The following CNTNAP2 variants were observed in gnomAD, a reference collection of about 807,000 sequenced individuals.
The protein encoded by CNTNAP2 is contactin-associated protein-like 2.
Under a neutral mutation model 155.2 loss-of-function variants are expected in CNTNAP2, and 98 were observed. The ratio of observed to expected loss-of-function variants is 0.63; its 90% CI spans 0.54 to 0.75. The LOEUF (loss-of-function observed/expected upper bound fraction) is 0.75, where lower values mean the gene tolerates loss of function less well. CNTNAP2 is among the 30% of genes least tolerant of loss of function. CNTNAP2 has a pLI of 0.00. For synonymous variants in CNTNAP2, 651 were observed against 631.2 expected, an observed-to-expected ratio of 1.03 and a Z score of -0.47; for missense variants, 1,727 against 1,688.1, an observed-to-expected ratio of 1.02 and a Z score of -0.40.
intron 8 of CNTNAP2, among the ~76,000 whole-genome samples, chr7:147,152,623 A>T (rs1016897362): frequency 6.6e-6 from 1 of 152,126 alleles, no homozygotes; most frequent in Non-Finnish European, 1.5e-5. Flanking sequence ...TTTACAGTAT[A>T]GTTGAGGAGA....
At chr7:146,815,664 GATTT>G (rs1803152389) in intron 2 of CNTNAP2, among the ~76,000 whole-genome samples, 1 of 152,084 alleles carries the variant, frequency 6.6e-6, no homozygotes, top group South Asian at 2.1e-4. Flanking sequence ...ATATTTCATA[GATTT>G]ATTAAATAAT....
intron 20 of CNTNAP2, among the ~76,000 whole-genome samples, chr7:148,232,617 A>G (rs774532673): frequency 2.0e-5 from 3 of 152,246 alleles, no homozygotes; most frequent in South Asian, 2.1e-4. Context: ...AGGCATTTCA[A>G]TAATTTCAAA....
chr7:148,181,891 G>A (rs936381502), intron 18 of CNTNAP2, among the ~76,000 whole-genome samples: 2 of 151,694 alleles, frequency 1.3e-5, no homozygotes, highest in African/African-American at 4.8e-5. Flanking sequence ...CCGAGTAGCT[G>A]GGACTACAGG....
intron 1 of CNTNAP2, among the ~76,000 whole-genome samples, chr7:146,331,173 G>A (rs542177323): frequency 1.7e-3 from 263 of 151,768 alleles, no homozygotes; most frequent in African/African-American, 6.1e-3. Flanking sequence ...GCGTGGTAGC[G>A]AGCGCCTGTA....
intron 13 of CNTNAP2, among the ~76,000 whole-genome samples, chr7:147,664,547 C>G (rs1486112867): frequency 1.3e-5 from 2 of 152,168 alleles, no homozygotes; most frequent in Non-Finnish European, 2.9e-5. Context: ...TCAAAATAAG[C>G]ACATTTGGCT....
chr7:146,950,297 A>T (rs1797282193), intron 3 of CNTNAP2, among the ~76,000 whole-genome samples: 1 of 151,980 alleles, frequency 6.6e-6, no homozygotes, highest in Admixed American at 6.6e-5. Context: ...TATGCAGACA[A>T]TTACTTTTCT....
Position 147,544,775 on chromosome 7 carries a change from G to A in CNTNAP2, c.1778-17363G>A, listed in dbSNP as rs150575059. 6.3e-3 allele frequency among the ~76,000 whole-genome samples: 955 copies of A among 151,904 alleles called. 8 individuals are homozygous for A. The highest frequency in any genetic ancestry group is 0.022 in the African/African-American group (905 of 41,484). On this transcript the variant is annotated intron_variant, in intron 11 of 23. Transcript: ENST00000361727. ...GGGGCAGTTCCCCCATACTGTTCTC[G>A]TGGTAGTGAATAAGTCTCACGAGAT...
Position 148,393,230 on chromosome 7 carries a change from T to A in CNTNAP2, c.3715+9342T>A, listed in dbSNP as rs1799393034. ...CCTGCTCTTATAATTACATCTGAAT[T>A]ATTTCTGAACAGATCCCTTTTCTCT... On this transcript the variant is annotated intron_variant, in intron 22 of 23. Coordinates refer to ENST00000361727, the MANE Select transcript of CNTNAP2 (RefSeq NM_014141.6). Among the ~76,000 whole-genome samples, 4 of 152,214 alleles carry A rather than the reference T, an allele frequency of 2.6e-5. No individual in the cohort carries two copies. In the South Asian group the frequency reaches 8.3e-4, roughly 32 times the overall value.
At position 146,978,831 on chromosome 7, in the gene CNTNAP2, A is replaced by G. The variant is rs117230382; in HGVS notation, c.403-65076A>G. Among the ~76,000 whole-genome samples, 273 of 152,242 alleles carry G rather than the reference A, an allele frequency of 1.8e-3. 1 individual carries two copies. The East Asian group carries it at 0.021, about 12-fold the overall frequency. On this transcript the variant is annotated intron_variant, in intron 3 of 23. Coordinates refer to ENST00000361727, the MANE Select transcript of CNTNAP2 (RefSeq NM_014141.6). Reference sequence around the variant, plus strand: ...AAATAAGAAAGTGTCCAGCCTTTCAAGTAGCTCTCAGTGCATTGGGGAAAA... The same window carrying G: ...AAATAAGAAAGTGTCCAGCCTTTCAGGTAGCTCTCAGTGCATTGGGGAAAA...
rs559063841 is a variant in CNTNAP2, at chr7:147,761,866, G to C, written c.2098+122560G>C. On this transcript the variant is annotated intron_variant, in intron 13 of 23. Transcript: ENST00000361727. ...TCCTCTGTCGCTGGAACAAAGAACA[G>C]ATTCTTCAGTCAAGCACCAAATAGA... 1.7e-3 allele frequency among the ~76,000 whole-genome samples: 262 copies of C among 152,166 alleles called. 2 individuals carry two copies. The highest frequency in any genetic ancestry group is 6.0e-3 in the African/African-American group (249 of 41,512).
At chr7:148,291,772 C>CA (rs1179929144) in intron 21 of CNTNAP2, among the ~76,000 whole-genome samples, 5 of 151,960 alleles carry the variant, frequency 3.3e-5, no homozygotes, top group African/African-American at 1.2e-4. Context: ...ATACAGATTC[C>CA]AAAACGTCAT....
chr7:146,668,847 T>C (rs1387157245), intron 1 of CNTNAP2, among the ~76,000 whole-genome samples: 2 of 152,104 alleles, frequency 1.3e-5, no homozygotes, highest in African/African-American at 2.4e-5. Flanking sequence ...TTTGTTATGA[T>C]GCCTCCTTTT....
chr7:146,929,532 C>T (rs1163538719), intron 3 of CNTNAP2, among the ~76,000 whole-genome samples: 2 of 152,178 alleles, frequency 1.3e-5, no homozygotes, highest in Non-Finnish European at 2.9e-5. Flanking sequence ...AGCAGAGCGC[C>T]TCTCCTCCTC....
chr7:146,342,179 T>A (rs1490281221), intron 1 of CNTNAP2, among the ~76,000 whole-genome samples: 3 of 152,174 alleles, frequency 2.0e-5, no homozygotes, highest in Non-Finnish European at 4.4e-5. Flanking sequence ...AGTGTTCCTG[T>A]GGAAGATTAT....
intron 8 of CNTNAP2, among the ~76,000 whole-genome samples, chr7:147,270,593 G>A (rs183656482): frequency 6.6e-6 from 1 of 152,226 alleles, no homozygotes; most frequent in East Asian, 1.9e-4. Flanking sequence ...CCACCCACCA[G>A]GCCACACAAT....
At chr7:146,814,670 A>G (rs1230525733) in intron 2 of CNTNAP2, among the ~76,000 whole-genome samples, 1 of 152,144 alleles carries the variant, frequency 6.6e-6, no homozygotes, top group Non-Finnish European at 1.5e-5. Flanking sequence ...CTGAAAACCC[A>G]GTAAGTTAAG....
intron 4 of CNTNAP2, among the ~76,000 whole-genome samples, chr7:147,090,183 A>G (rs1381155363): frequency 1.3e-5 from 2 of 152,196 alleles, no homozygotes; most frequent in Non-Finnish European, 2.9e-5. Flanking sequence ...CCTTCCAGGC[A>G]TGAGTCAATG....
At chr7:146,910,300 G>A (rs1166774804) in intron 3 of CNTNAP2, among the ~76,000 whole-genome samples, 4 of 149,926 alleles carry the variant, frequency 2.7e-5, no homozygotes, top group South Asian at 2.1e-4. Flanking sequence ...ATTGGAAAAA[G>A]CTACTTTAAA....
chr7:147,595,976 G>T (rs560155757), intron 12 of CNTNAP2, among the ~76,000 whole-genome samples: 1 of 151,744 alleles, frequency 6.6e-6, no homozygotes, highest in African/African-American at 2.4e-5. Flanking sequence ...TTGATTTTTT[G>T]TTTTTTTTGG....
Sources: gnomAD v4.1 joint callset for allele counts (sites outside exome capture counted in the v4.1 genomes callset) on GRCh38, gnomAD v4.1.1 for gene constraint, MANE v1.5 for transcripts, NCBI Gene and HGNC (gene_info 2026-07-23, HGNC 2026-07-21) for gene names.